The following GABBR2 variants were observed in gnomAD, a reference collection of about 807,000 sequenced individuals.
GABBR2 encodes G-protein coupled receptor 51.
A neutral mutation model predicts 105.6 loss-of-function variants in GABBR2; 23 were observed. That is an observed-to-expected ratio of 0.22 (90% CI 0.16 to 0.31). GABBR2 has a LOEUF of 0.31. Among genes scored for constraint, GABBR2 ranks in the 10% least tolerant of loss-of-function variants. The pLI, the probability that GABBR2 is intolerant of heterozygous loss-of-function variation, is 1.00. For missense variants in GABBR2, 734 were observed against 1,245.5 expected (o/e 0.59, Z 6.18); for synonymous variants, 478 against 499.7 (o/e 0.96, Z 0.58).
In GABBR2 at chr9:98,519,304, C is replaced by T. The variant is rs1443067535; in HGVS notation, c.630+22569G>A. Among the ~76,000 whole-genome samples, 3 of 152,334 alleles carry T rather than the reference C, an allele frequency of 2.0e-5. No homozygotes were observed. In the East Asian group the frequency reaches 5.8e-4, roughly 29 times the overall value. ...GTGTCACTTAACACCTGGTGCCCAG[C>T]GTTTCAAGGGGGAGGCTTGAGGAGC... On this transcript the variant is annotated intron_variant, in intron 3 of 18. Transcript: ENST00000259455.
chr9:98,663,434 A>G (rs1321021398), intron 1 of GABBR2, among the ~76,000 whole-genome samples: 1 of 152,160 alleles, frequency 6.6e-6, no homozygotes, highest in Non-Finnish European at 1.5e-5. Context: ...AGACAGCAGC[A>G]CTTCACTGTC....
chr9:98,400,808 A>T (rs1832381251), intron 8 of GABBR2, among the ~76,000 whole-genome samples: 1 of 152,204 alleles, frequency 6.6e-6, no homozygotes, highest in South Asian at 2.1e-4. Context: ...TGATGTACGG[A>T]GCAACACGCA....
intron 2 of GABBR2, among the ~76,000 whole-genome samples, chr9:98,553,332 A>C (rs1232995774): frequency 6.6e-6 from 1 of 151,894 alleles, no homozygotes; most frequent in Admixed American, 6.6e-5. Flanking sequence ...GGTGGCTAAC[A>C]CCTGTAATCC....
chr9:98,532,043 A>G (rs1828077353), intron 3 of GABBR2, among the ~76,000 whole-genome samples: 1 of 152,252 alleles, frequency 6.6e-6, no homozygotes, highest in South Asian at 2.1e-4. Context: ...CAGGGATTCC[A>G]TCTTAAGCAA....
intron 1 of GABBR2, among the ~76,000 whole-genome samples, chr9:98,593,749 G>A (rs375850050): frequency 1.3e-5 from 2 of 152,140 alleles, no homozygotes; most frequent in Admixed American, 1.3e-4. Context: ...CCCACTGGCC[G>A]CCTGCTCACA....
intron 2 of GABBR2, among the ~76,000 whole-genome samples, chr9:98,571,015 G>A (rs191979765): frequency 1.3e-4 from 20 of 152,336 alleles, no homozygotes; most frequent in African/African-American, 4.3e-4. Context: ...CCAGGCCGAG[G>A]GGCAGGGTGA....
chr9:98,425,766 G>A (rs942067180), intron 7 of GABBR2, among the ~76,000 whole-genome samples: 1 of 152,162 alleles, frequency 6.6e-6, no homozygotes, highest in Non-Finnish European at 1.5e-5. Context: ...GCTCAGGTCT[G>A]CGGAACTCTG....
chr9:98,494,622 C>T (rs911450159), intron 4 of GABBR2, among the ~76,000 whole-genome samples: 2 of 152,082 alleles, frequency 1.3e-5, no homozygotes, highest in Non-Finnish European at 2.9e-5. Flanking sequence ...CTTTGAGTCT[C>T]GAGTCCACAT....
chr9:98,661,269 G>A (rs1830258177), intron 1 of GABBR2, among the ~76,000 whole-genome samples: 1 of 152,204 alleles, frequency 6.6e-6, no homozygotes, highest in African/African-American at 2.4e-5. Flanking sequence ...AACATTCACA[G>A]GATCCAAGAA....
intron 7 of GABBR2, among the ~76,000 whole-genome samples, chr9:98,425,986 T>C (rs983719838): frequency 1.3e-5 from 2 of 152,124 alleles, no homozygotes; most frequent in Non-Finnish European, 2.9e-5. Flanking sequence ...TAGTATGTAA[T>C]AGGTGCTCCA....
At chr9:98,504,545 G>A (rs1031015415) in intron 3 of GABBR2, among the ~76,000 whole-genome samples, 1 of 152,218 alleles carries the variant, frequency 6.6e-6, no homozygotes, top group Non-Finnish European at 1.5e-5. Flanking sequence ...ATTAGGTTAC[G>A]AAATGAACTT....
intron 12 of GABBR2, among the ~76,000 whole-genome samples, chr9:98,370,831 T>C (rs1320913972): frequency 2.6e-5 from 4 of 152,128 alleles, no homozygotes; most frequent in Non-Finnish European, 5.9e-5. Context: ...ATCATATCTA[T>C]ACCAAACCGC....
intron 1 of GABBR2, among the ~76,000 whole-genome samples, chr9:98,600,271 T>C (rs781753770): frequency 2.0e-5 from 3 of 152,058 alleles, no homozygotes; most frequent in Non-Finnish European, 2.9e-5. Flanking sequence ...GAACAGCTCC[T>C]CCTTCTCTGC....
chr9:98,628,644 TTGTC>T (rs1434446935), intron 1 of GABBR2, among the ~76,000 whole-genome samples: 1 of 152,166 alleles, frequency 6.6e-6, no homozygotes, highest in Non-Finnish European at 1.5e-5. Context: ...TTGCTGTCTG[TTGTC>T]TGTGTGATCC....
chr9:98,416,417 C>T (rs1252817933), intron 7 of GABBR2, among the ~76,000 whole-genome samples: 1 of 152,218 alleles, frequency 6.6e-6, no homozygotes, highest in Non-Finnish European at 1.5e-5. Context: ...CCAAGCCTGC[C>T]CTCTCTATCC....
chr9:98,487,956 T>C (rs754902219), intron 4 of GABBR2, among the ~76,000 whole-genome samples: 10 of 152,194 alleles, frequency 6.6e-5, no homozygotes, highest in Non-Finnish European at 1.5e-4. Context: ...ACAGGGTCCT[T>C]AAATGTATTC....
At chr9:98,534,828 A>G (rs1828139276) in intron 3 of GABBR2, among the ~76,000 whole-genome samples, 1 of 152,236 alleles carries the variant, frequency 6.6e-6, no homozygotes, top group African/African-American at 2.4e-5. Context: ...GTTTTCTTAC[A>G]ACATGAAACA....
intron 16 of GABBR2, among the ~76,000 whole-genome samples, chr9:98,301,323 C>A (rs942657162): frequency 2.0e-5 from 3 of 152,208 alleles, no homozygotes; most frequent in African/African-American, 4.8e-5. Flanking sequence ...GAACTGGAGG[C>A]ACCCAGCGGG....
chr9:98,348,892 C>A lies in GABBR2; in HGVS notation c.1893+13823G>T, dbSNP rs556468150. 1.5e-4 allele frequency among the ~76,000 whole-genome samples: 23 copies of A among 152,236 alleles called. No individual in the cohort carries two copies. The South Asian group carries it at 4.8e-3, about 32-fold the overall frequency. On this transcript the variant is annotated intron_variant, in intron 13 of 18. Transcript: ENST00000259455. ...GCAAAGAGGAACAATTTGACTCCCC[C>A]CTTTCCCTTTTGGATGCTCTTTATT... is the stretch of plus-strand genomic sequence containing the variant.
Sources: gnomAD v4.1 joint callset for allele counts (sites outside exome capture counted in the v4.1 genomes callset) on GRCh38, gnomAD v4.1.1 for gene constraint, MANE v1.5 for transcripts, NCBI Gene and HGNC (gene_info 2026-07-23, HGNC 2026-07-21) for gene names.